NR5A2: variants seen among roughly 807,000 people sequenced by gnomAD.
The protein encoded by NR5A2 is CYP7A promoter-binding factor.
A neutral mutation model predicts 62.7 loss-of-function variants in NR5A2; 26 were observed. The observed-to-expected ratio is 0.41, with a 90% CI of 0.30 to 0.58. The LOEUF (loss-of-function observed/expected upper bound fraction) is 0.58, where lower values mean the gene tolerates loss of function less well. Ranked by LOEUF, NR5A2 falls within the 20% of genes least tolerant of loss-of-function variation. The pLI is 0.22. For missense variants in NR5A2, 541 were observed against 669.1 expected, an observed-to-expected ratio of 0.81 and a Z score of 2.11; for synonymous variants, 246 against 241.7, an observed-to-expected ratio of 1.02 and a Z score of -0.16.
chr1:200,118,186 T>C (rs1461965606), intron 6 of NR5A2, among the ~76,000 whole-genome samples: 1 of 150,780 alleles, frequency 6.6e-6, no homozygotes, highest in Non-Finnish European at 1.5e-5. Flanking sequence ...CCAGCTAATT[T>C]CTGTATTTTT....
chr1:200,087,856 A>G (rs1256827199), intron 5 of NR5A2, among the ~76,000 whole-genome samples: 3 of 151,048 alleles, frequency 2.0e-5, no homozygotes, highest in Non-Finnish European at 2.9e-5. Flanking sequence ...GGTTCAAGCA[A>G]TTCTCCCACC....
rs139969620 is a variant in NR5A2, at chr1:200,045,348, A to G, written c.322-95A>G. 7.8e-4 allele frequency: 873 copies of G among 1,119,956 alleles called. 5 individuals are homozygous for G. The African/African-American group carries it at 0.01, about 13-fold the overall frequency. 69.4% of individuals were successfully genotyped at this position (1,119,956 alleles called of 1,614,324 possible). On this transcript the variant is annotated intron_variant, in intron 3 of 7. Coordinates refer to ENST00000367362, the MANE Select transcript of NR5A2 (RefSeq NM_205860.3). ...ACCACATAAGGGCTCAAATAGTGCA[A>G]TGAGAGGATTTACTGGTGATTTTCT... is the stretch of plus-strand genomic sequence containing the variant.
chr1:200,147,080 A>AAAGAT lies in NR5A2; in HGVS notation c.1378+26128_1378+26132dup, dbSNP rs1667737512. ...GGTGGCAGCAAAGGGCACCAAAAGA[A>AAAGAT]AAGATAAATTGCCCAAAATAAATAA... On this transcript the variant is annotated intron_variant, in intron 7 of 7. Coordinates refer to ENST00000367362, the MANE Select transcript of NR5A2 (RefSeq NM_205860.3). This position sits in a 1 kb window ranked among gnomAD's most constrained non-coding sequence, Gnocchi z 4.9. Among the ~76,000 whole-genome samples, 1 of 152,242 alleles carries AAAGAT rather than the reference A, an allele frequency of 6.6e-6. No individual in the cohort carries two copies. Among genetic ancestry groups the AAAGAT allele is most frequent in the East Asian group, 1.9e-4 (1 of 5,198 alleles).
chr1:200,038,861 G>A lies in NR5A2; in HGVS notation c.65-797G>A, dbSNP rs1436558149. On this transcript the variant is annotated intron_variant, in intron 1 of 7. Transcript: ENST00000367362. ...CGGGGTGAAGAGGTTGGGGCAGGCC[G>A]GGGGACTGGAGCCTGAGCCTCATCC... The A allele has an allele frequency of 4.8e-6, 4 of 834,604 alleles. No homozygotes were observed. In the Middle Eastern group the frequency reaches 1.3e-3, roughly 266 times the overall value. The allele number at this position is 834,604 out of a possible 1,614,324, so 51.7% of individuals were successfully genotyped here.
At chr1:200,065,268 T>C (rs1663415226) in intron 5 of NR5A2, among the ~76,000 whole-genome samples, 1 of 152,056 alleles carries the variant, frequency 6.6e-6, no homozygotes, top group Admixed American at 6.6e-5. Flanking sequence ...CTCAGCTTCC[T>C]GAGAAGCTGG....
chr1:200,081,594 A>G (rs1664294789), intron 5 of NR5A2, among the ~76,000 whole-genome samples: 1 of 152,246 alleles, frequency 6.6e-6, no homozygotes. Flanking sequence ...GCTCATTTGC[A>G]GTTGGACAAA....
intron 7 of NR5A2, among the ~76,000 whole-genome samples, chr1:200,139,932 T>A (rs1233432542): frequency 6.6e-6 from 1 of 152,210 alleles, no homozygotes; most frequent in Non-Finnish European, 1.5e-5. Context: ...CTACGTCCAG[T>A]GCTAAATATT....
Position 200,039,382 on chromosome 1 carries a change from C to T in NR5A2, c.65-276C>T, listed in dbSNP as rs1389387367. 6.6e-6 allele frequency among the ~76,000 whole-genome samples: 1 copy of T among 152,000 alleles called. No homozygotes were observed. Among genetic ancestry groups the T allele is most frequent in the Non-Finnish European group, 1.5e-5 (1 of 67,980 alleles). ...GTTCACGGCTCCGCGCCCCGGGCAG[C>T]TGCGTCCTCGCCACCGCCGCCGCCT... On this transcript the variant is annotated intron_variant, in intron 1 of 7. Coordinates refer to ENST00000367362, the MANE Select transcript of NR5A2 (RefSeq NM_205860.3). This position sits in a 1 kb window ranked among gnomAD's most constrained non-coding sequence, Gnocchi z 5.1.
rs1219982113 is a variant in NR5A2, at chr1:200,148,799, G to T, written c.1379-25164G>T. ...TTTAAAAATTGAACTCCAGACAAAT[G>T]GAAACGTGAAGGATCCTATGAGCAT... On this transcript the variant is annotated intron_variant, in intron 7 of 7. Transcript: ENST00000367362. Among the ~76,000 whole-genome samples, 6 of 152,080 alleles carry T rather than the reference G, an allele frequency of 3.9e-5. No homozygotes were observed. The East Asian group carries it at 1.2e-3, about 29-fold the overall frequency.
At chr1:200,168,597 C>G (rs1422867659) in intron 7 of NR5A2, among the ~76,000 whole-genome samples, 1 of 151,948 alleles carries the variant, frequency 6.6e-6, no homozygotes, top group Non-Finnish European at 1.5e-5. Context: ...TGTGTACACA[C>G]CTATATTATT....
At chr1:200,149,325 C>T (rs575509172) in intron 7 of NR5A2, among the ~76,000 whole-genome samples, 15 of 152,292 alleles carry the variant, frequency 9.8e-5, no homozygotes, top group Non-Finnish European at 1.8e-4. Flanking sequence ...ATAACTGATG[C>T]GTGGCCAAAG....
chr1:200,117,948 A>G (rs1666308880), intron 6 of NR5A2, among the ~76,000 whole-genome samples: 1 of 150,666 alleles, frequency 6.6e-6, no homozygotes, highest in South Asian at 2.1e-4. Flanking sequence ...TCCCGACCTC[A>G]GGTGATCCAC....
Position 200,039,679 on chromosome 1 carries a change from A to G in NR5A2, c.86A>G (p.His29Arg), listed in dbSNP as rs1314866329. The G allele has an allele frequency of 3.1e-6, 5 of 1,610,048 alleles. No homozygotes were observed. The highest frequency in any genetic ancestry group is 3.3e-4 in the Middle Eastern group (2 of 6,052). The part of the protein sequence containing the change: ...TPIGAGLPDR[H>R]GSPIPARGRL... The stretch of plus-strand genomic sequence containing the variant: ...CCAGGTGCTGGGCTTCCGGACCGAC[A>G]CGGATCCCCCATCCCCGCCCGCGGT... Residue 29 changes from histidine to arginine, a missense_variant, in exon 2 of 8, where the codon CAC becomes CGC. His to Arg is a conservative substitution (Grantham distance 29). This residue lies in a region of NR5A2 where 108 missense variants were observed against 103.3 expected (regional missense o/e 1.05). Coordinates refer to ENST00000367362, the MANE Select transcript of NR5A2 (RefSeq NM_205860.3). The surrounding 1 kb of genome is among the most constrained non-coding windows in gnomAD (Gnocchi z 5.1).
intron 5 of NR5A2, among the ~76,000 whole-genome samples, chr1:200,068,498 A>C: frequency 6.6e-6 from 1 of 152,208 alleles, no homozygotes; most frequent in East Asian, 1.9e-4. Flanking sequence ...TGAAGTTGAA[A>C]AGGCTTCTTG....
intron 5 of NR5A2, among the ~76,000 whole-genome samples, chr1:200,070,549 A>G (rs1041193869): frequency 1.3e-5 from 2 of 152,006 alleles, no homozygotes; most frequent in Middle Eastern, 6.8e-3. Flanking sequence ...GTATAGTTGC[A>G]TGCATCTGAG....
chr1:200,065,325 G>A (rs909844046), intron 5 of NR5A2, among the ~76,000 whole-genome samples: 1 of 151,820 alleles, frequency 6.6e-6, no homozygotes, highest in Admixed American at 6.6e-5. Flanking sequence ...TGTATTTTTA[G>A]GAGAGACAGG....
At position 200,065,634 on chromosome 1, in the gene NR5A2, C is replaced by T. The variant is rs560825511; in HGVS notation, c.1110+16816C>T. 3.9e-5 allele frequency among the ~76,000 whole-genome samples: 6 copies of T among 152,328 alleles called. No homozygotes were observed. The South Asian group carries it at 1.2e-3, about 32-fold the overall frequency. On this transcript the variant is annotated intron_variant, in intron 5 of 7. Transcript: ENST00000367362. The stretch of plus-strand genomic sequence containing the variant: ...ATTCTACCCCAGACCTGATGAATTG[C>T]TCATCCATTCATATATTTATTAATT...
At chr1:200,148,182 C>T (rs2816964) in intron 7 of NR5A2, 314,390 of 326,314 alleles carry the variant, frequency 0.96, 151,602 homozygotes, top group African/African-American at 0.98. Flanking sequence ...GTGGACGCTT[C>T]TGCAACCTGT....
At chr1:200,050,598 G>A (rs900725220) in intron 5 of NR5A2, among the ~76,000 whole-genome samples, 2 of 152,160 alleles carry the variant, frequency 1.3e-5, no homozygotes, top group African/African-American at 4.8e-5. Flanking sequence ...GTTTTAAATT[G>A]ATATTACTGG....
Sources: gnomAD v4.1 joint callset for allele counts (sites outside exome capture counted in the v4.1 genomes callset) on GRCh38, gnomAD v4.1.1 for gene constraint, gnomAD v4.1.1 regional missense constraint, Gnocchi (gnomAD v3.1) non-coding constraint, MANE v1.5 for transcripts, NCBI Gene and HGNC (gene_info 2026-07-23, HGNC 2026-07-21) for gene names.